The following SKAP2 variants were observed in gnomAD, a reference collection of about 807,000 sequenced individuals.
SKAP2 encodes src kinase-associated phosphoprotein 2.
Under a neutral mutation model 54.9 loss-of-function variants are expected in SKAP2, and 28 were observed. The ratio of observed to expected loss-of-function variants is 0.51; its 90% CI spans 0.38 to 0.70. The LOEUF is 0.70. Ranked by LOEUF, SKAP2 falls within the 30% of genes least tolerant of loss-of-function variation. The pLI is 0.00. For missense variants in SKAP2, 356 were observed against 424.1 expected, an observed-to-expected ratio of 0.84 and a Z score of 1.41; for synonymous variants, 137 against 134.3, an observed-to-expected ratio of 1.02 and a Z score of -0.14.
chr7:26,659,263 A>T, the SKAP2 span, among the ~76,000 whole-genome samples: 1 of 152,052 alleles, frequency 6.6e-6, no homozygotes, highest in African/African-American at 2.4e-5. Context: ...ATGGCTTTTT[A>T]AAAAATGCCG....
intron 11 of SKAP2, among the ~76,000 whole-genome samples, chr7:26,681,704 T>A (rs184162821): frequency 6.6e-6 from 1 of 152,230 alleles, no homozygotes; most frequent in African/African-American, 2.4e-5. Flanking sequence ...ATCTTTTAAA[T>A]GGTCTTATTT....
intron 4 of SKAP2, among the ~76,000 whole-genome samples, chr7:26,786,931 ATC>A (rs1204877060): frequency 4.6e-5 from 7 of 152,288 alleles, no homozygotes; most frequent in African/African-American, 1.2e-4. Flanking sequence ...AACATTTTGC[ATC>A]TCTGTTTCCC....
At position 26,725,563 on chromosome 7, in the gene SKAP2, T is replaced by C. The variant is rs754256737; in HGVS notation, c.661A>G (p.Met221Val). The stretch of plus-strand genomic sequence containing the variant: ...TCCTCAGGAATAATATCAGATTCCA[T>C]ATCTATAAAACACATTTCATGAAGT... ...VQQLKFVLQD[M>V]ESDIIPEDYD... Residue 221 changes from methionine to valine, a missense_variant and splice_region_variant, in exon 9 of 13, where the codon ATG (methionine) becomes GTG (valine). By Grantham distance (21) the Met-to-Val change is conservative (BLOSUM62 1). Transcript: ENST00000345317. 1 of 1,593,034 alleles carries C rather than the reference T, an allele frequency of 6.3e-7. No homozygotes were observed. The highest frequency in any genetic ancestry group is 1.7e-5 in the Admixed American group (1 of 58,436).
intron 1 of SKAP2, among the ~76,000 whole-genome samples, chr7:26,859,906 T>A (rs1030404585): frequency 6.6e-6 from 1 of 152,218 alleles, no homozygotes; most frequent in Non-Finnish European, 1.5e-5. Context: ...AAGTGAATCA[T>A]GAGTATATAA....
intron 4 of SKAP2, among the ~76,000 whole-genome samples, chr7:26,813,060 T>C (rs1251892264): frequency 6.6e-6 from 1 of 152,182 alleles, no homozygotes; most frequent in Non-Finnish European, 1.5e-5. Context: ...TAATCTTATA[T>C]AAAAACTAGT....
chr7:26,837,432 G>A (rs1164020572), intron 4 of SKAP2, among the ~76,000 whole-genome samples: 2 of 152,132 alleles, frequency 1.3e-5, no homozygotes, highest in Admixed American at 6.6e-5. Flanking sequence ...AAAGCCTCAG[G>A]AAGCTTACAA....
intron 4 of SKAP2, among the ~76,000 whole-genome samples, chr7:26,789,899 T>C (rs978366929): frequency 2.0e-5 from 3 of 152,182 alleles, no homozygotes; most frequent in Non-Finnish European, 4.4e-5. Flanking sequence ...TGACCAAATG[T>C]CATGTGCTGG....
intron 4 of SKAP2, among the ~76,000 whole-genome samples, chr7:26,762,443 C>T (rs931573404): frequency 4.6e-5 from 7 of 152,086 alleles, no homozygotes; most frequent in Non-Finnish European, 5.9e-5. Flanking sequence ...AACACATACA[C>T]GTGTATGTAA....
intron 9 of SKAP2, among the ~76,000 whole-genome samples, chr7:26,702,069 C>A (rs1030139187): frequency 6.6e-6 from 1 of 152,162 alleles, no homozygotes; most frequent in Non-Finnish European, 1.5e-5. Flanking sequence ...TAAAAGTGGA[C>A]ACCGTATCAG....
chr7:26,829,019 ACT>A lies in SKAP2; in HGVS notation c.307+15009_307+15010del, dbSNP rs532310096. 1.4e-3 allele frequency among the ~76,000 whole-genome samples: 207 copies of A among 152,266 alleles called. 1 individual carries two copies. Among genetic ancestry groups the A allele is most frequent in the African/African-American group, 4.9e-3 (202 of 41,552 alleles). The stretch of plus-strand genomic sequence containing the variant: ...ACTCCAGCCTGGGCGACAGAGCGAG[ACT>A]CTGTCTCAAAAAAATAAATAAATAA... On this transcript the variant is annotated intron_variant, in intron 4 of 12. Coordinates refer to ENST00000345317, the MANE Select transcript of SKAP2 (RefSeq NM_003930.5).
intron 3 of SKAP2, among the ~76,000 whole-genome samples, chr7:26,845,241 G>T (rs1468574892): frequency 6.6e-6 from 1 of 152,056 alleles, no homozygotes; most frequent in South Asian, 2.1e-4. Flanking sequence ...CTCCAAAAGG[G>T]TATCTTTGTC....
chr7:26,722,646 T>C (rs918925809), intron 9 of SKAP2, among the ~76,000 whole-genome samples: 16 of 152,202 alleles, frequency 1.1e-4, no homozygotes, highest in African/African-American at 3.9e-4. Flanking sequence ...TGACCTCAAG[T>C]GATCCACCTA....
chr7:26,675,527 T>TA (rs1178455678), intron 11 of SKAP2, among the ~76,000 whole-genome samples: 1 of 152,216 alleles, frequency 6.6e-6, no homozygotes, highest in Non-Finnish European at 1.5e-5. Flanking sequence ...AGGAAGGACT[T>TA]ACACTTAATC....
In SKAP2 at chr7:26,668,792, A is replaced by G. The variant is rs562969460; in HGVS notation, c.*874T>C. The G allele has an allele frequency of 1.3e-5, 2 of 151,986 alleles. No homozygotes were observed. The highest frequency in any genetic ancestry group is 2.9e-5 in the Non-Finnish European group (2 of 68,000). 9.4% of individuals were successfully genotyped at this position (151,986 alleles called of 1,614,324 possible). On this transcript the variant is annotated 3_prime_UTR_variant, in exon 13 of 13. Coordinates refer to ENST00000345317, the MANE Select transcript of SKAP2 (RefSeq NM_003930.5). ...GCAATTCTCGTGCCTTGGCCTCCCAAGTAGCTGGGACTGCAGGTGAACATT... is the reference window on the plus strand; with the variant it reads ...GCAATTCTCGTGCCTTGGCCTCCCAGGTAGCTGGGACTGCAGGTGAACATT...
the SKAP2 span, among the ~76,000 whole-genome samples, chr7:26,661,507 G>C: frequency 6.6e-6 from 1 of 152,128 alleles, no homozygotes; most frequent in South Asian, 2.1e-4. Context: ...ATTATTAGCA[G>C]ATTGGTGGTT....
chr7:26,820,604 A>C (rs1416534469), intron 4 of SKAP2, among the ~76,000 whole-genome samples: 1 of 152,188 alleles, frequency 6.6e-6, no homozygotes, highest in East Asian at 1.9e-4. Context: ...ACCCAAATAA[A>C]AAAGATCACA....
the SKAP2 span, among the ~76,000 whole-genome samples, chr7:26,658,153 T>C: frequency 1.3e-5 from 2 of 152,152 alleles, no homozygotes; most frequent in Non-Finnish European, 2.9e-5. Flanking sequence ...GACGCAAACA[T>C]AGCATTATTT....
At chr7:26,788,763 C>T (rs1783611782) in intron 4 of SKAP2, among the ~76,000 whole-genome samples, 1 of 151,990 alleles carries the variant, frequency 6.6e-6, no homozygotes, top group Admixed American at 6.6e-5. Flanking sequence ...AATCCTAAAT[C>T]CCACTCCCCC....
chr7:26,821,265 A>T (rs1562623817), intron 4 of SKAP2, among the ~76,000 whole-genome samples: 1 of 152,216 alleles, frequency 6.6e-6, no homozygotes, highest in South Asian at 2.1e-4. Flanking sequence ...AAATAATTAG[A>T]TAAAACAAAG....
Sources: allele counts gnomAD v4.1 joint callset (sites outside exome capture counted in the v4.1 genomes callset), GRCh38; gene constraint gnomAD v4.1.1; transcripts MANE v1.5; gene names NCBI Gene and HGNC (gene_info 2026-07-23, HGNC 2026-07-21).